RIOK1: variants seen among roughly 807,000 people sequenced by gnomAD.
RIOK1 encodes serine/threonine-protein kinase RIO1.
RIOK1 carries 66 observed loss-of-function variants against 73.5 expected under a neutral mutation model. The ratio of observed to expected loss-of-function variants is 0.90; its 90% CI spans 0.74 to 1.10. The LOEUF (loss-of-function observed/expected upper bound fraction) is 1.10, where lower values mean the gene tolerates loss of function less well. Among genes scored for constraint, RIOK1 ranks in the 50% least tolerant of loss-of-function variants. The probability of loss-of-function intolerance (pLI) is 0.00; values close to 1 mark genes in which losing one functional copy is unlikely to be tolerated. For missense variants in RIOK1, 658 were observed against 699.8 expected, an observed-to-expected ratio of 0.94 and a Z score of 0.67; for synonymous variants, 224 against 226.8, an observed-to-expected ratio of 0.99 and a Z score of 0.11.
intron 14 of RIOK1, among the ~76,000 whole-genome samples, chr6:7,412,280 G>A (rs1037558770): frequency 1.5e-4 from 23 of 151,966 alleles, no homozygotes; most frequent in African/African-American, 5.3e-4. Context: ...AGAATCACTT[G>A]AACCCGGGAG....
rs1761651404 is a variant in RIOK1, at chr6:7,402,973, A to G, written c.767+76A>G. The G allele has an allele frequency of 2.1e-5, 28 of 1,351,130 alleles. No homozygotes were observed. The South Asian group carries it at 3.7e-4, about 18-fold the overall frequency. The allele number at this position is 1,351,130 out of a possible 1,614,324, so 83.7% of individuals were successfully genotyped here. ...TCAGCCCTTCCTCCCAGCAGATCCC[A>G]GTGTGGTTCTGCCCAAATGTAGGGA... On this transcript the variant is annotated intron_variant, in intron 8 of 16. Transcript: ENST00000379834.
intron 14 of RIOK1, 60 bp downstream of exon 14, chr6:7,411,511 A>T: frequency 6.3e-7 from 1 of 1,587,422 alleles, no homozygotes; most frequent in Non-Finnish European, 8.6e-7. Flanking sequence ...GGACTGTCCC[A>T]AACCTATCTG....
chr6:7,404,821 T>C, intron 10 of RIOK1, 97 bp from the exon 11 acceptor site: 1 of 1,093,416 alleles, frequency 9.1e-7, no homozygotes, highest in Non-Finnish European at 1.3e-6. Flanking sequence ...GGTGATTTTG[T>C]GAGCTACTTC....
intron 12 of RIOK1, among the ~76,000 whole-genome samples, chr6:7,407,871 T>C (rs1761787272): frequency 1.3e-5 from 2 of 152,230 alleles, no homozygotes; most frequent in South Asian, 4.1e-4. Context: ...ATACGTGATT[T>C]GCAAATGTTT....
chr6:7,416,959 T>C (rs1405453777), intron 16 of RIOK1, among the ~76,000 whole-genome samples: 2 of 151,904 alleles, frequency 1.3e-5, no homozygotes, highest in African/African-American at 4.8e-5. Flanking sequence ...ATAATAATAC[T>C]CCAGGTGGGT....
chr6:7,409,801 A>AC (rs1761842906), intron 12 of RIOK1, among the ~76,000 whole-genome samples: 1 of 151,838 alleles, frequency 6.6e-6, no homozygotes, highest in South Asian at 2.1e-4. Flanking sequence ...AACTCAAAAA[A>AC]AAAAAAAAAA....
intron 6 of RIOK1, among the ~76,000 whole-genome samples, chr6:7,402,150 T>C (rs1470664750): frequency 6.6e-6 from 1 of 152,220 alleles, no homozygotes; most frequent in African/African-American, 2.4e-5. Flanking sequence ...TTTGTCATTA[T>C]GCGAAGAACA....
intron 5 of RIOK1, among the ~76,000 whole-genome samples, chr6:7,400,418 G>A (rs966690582): frequency 1.3e-5 from 2 of 152,132 alleles, no homozygotes; most frequent in African/African-American, 4.8e-5. Flanking sequence ...GGTAGCCACT[G>A]GGCACTTGAG....
intron 1 of RIOK1, among the ~76,000 whole-genome samples, chr6:7,391,295 A>C (rs1392004193): frequency 2.0e-5 from 3 of 152,176 alleles, no homozygotes; most frequent in African/African-American, 7.2e-5. Flanking sequence ...CTTGCACCCT[A>C]GCAGGGGAAA....
intron 1 of RIOK1, among the ~76,000 whole-genome samples, chr6:7,390,990 T>C (rs1013437361): frequency 5.3e-5 from 8 of 152,284 alleles, no homozygotes; most frequent in African/African-American, 1.7e-4. Context: ...CCTAAAGATA[T>C]GTCTTGGAGG....
At chr6:7,416,643 C>CAA (rs34401192) in intron 16 of RIOK1, among the ~76,000 whole-genome samples, 54,964 of 113,004 alleles carry the variant, frequency 0.49, 13,705 homozygotes, top group South Asian at 0.58. Context: ...GACTCCGTCT[C>CAA]AAAAAAAAAA....
Position 7,393,180 on chromosome 6 carries a change from T to G in RIOK1, c.153T>G (p.Gly51=). The G allele has an allele frequency of 1.9e-6, 3 of 1,613,356 alleles. No homozygotes were observed. ...TTCAAGACAATGTGAATGAGAATGG[T>G]GAAGGTGAAATAGAAGATGAGGAGG... ...EDLQDNVNEN[G]EGEIEDEEEE... is the part of the protein sequence containing the mutation. Residue 51 remains glycine, a synonymous_variant, in exon 2 of 17, where the codon GGT becomes GGG. Coordinates refer to ENST00000379834, the MANE Select transcript of RIOK1 (RefSeq NM_031480.3).
At chr6:7,408,189 A>C (rs2113522327) in intron 12 of RIOK1, among the ~76,000 whole-genome samples, 2 of 152,298 alleles carry the variant, frequency 1.3e-5, no homozygotes, top group South Asian at 4.1e-4. Flanking sequence ...GGCACCTGCC[A>C]TCATGCCCAG....
In RIOK1 at chr6:7,414,355, A is replaced by G. The variant is rs777812778; in HGVS notation, c.1561A>G (p.Lys521Glu). ...AGAGCAGGGAGACCATGCCCGCCCC[A>G]AGAAACACACCACGGACCCTGACAT... is the stretch of plus-strand genomic sequence containing the variant. ...SEEQGDHARP[K>E]KHTTDPDIDK... is the part of the protein sequence containing the mutation. Residue 521 changes from lysine to glutamate, a missense_variant, in exon 16 of 17, where the codon AAG (lysine) becomes GAG (glutamate). By Grantham distance (56) the Lys-to-Glu change is moderately conservative. Transcript: ENST00000379834. The G allele has an allele frequency of 1.9e-6, 3 of 1,612,448 alleles. No individual in the cohort carries two copies. In the South Asian group the frequency reaches 3.3e-5, roughly 18 times the overall value.
At chr6:7,410,144 G>A (rs1291679235) in intron 12 of RIOK1, among the ~76,000 whole-genome samples, 4 of 152,196 alleles carry the variant, frequency 2.6e-5, no homozygotes, top group Non-Finnish European at 5.9e-5. Flanking sequence ...GAAAAAGGGG[G>A]GCTAGGGATC....
chr6:7,390,505 T>A (rs147930420), intron 1 of RIOK1, among the ~76,000 whole-genome samples: 21 of 152,314 alleles, frequency 1.4e-4, no homozygotes, highest in African/African-American at 5.1e-4. Context: ...GGCACACCAT[T>A]TAAAAACCAA....
At position 7,410,377 on chromosome 6, in the gene RIOK1, C is replaced by T. The variant is rs770531333; in HGVS notation, c.1204-9C>T. On this transcript the variant is annotated splice_polypyrimidine_tract_variant and intron_variant, in intron 12 of 16. Transcript: ENST00000379834. Reference sequence around the variant, plus strand: ...TATAAAAGAAAGTCATTTTTGTTTTCTTTCCAAGGCCATGGAAATAGCATC... The same window carrying T: ...TATAAAAGAAAGTCATTTTTGTTTTTTTTCCAAGGCCATGGAAATAGCATC... 6.2e-7 allele frequency: 1 copy of T among 1,603,952 alleles called. No individual in the cohort carries two copies. The highest frequency in any genetic ancestry group is 1.7e-5 in the Admixed American group (1 of 59,412).
intron 8 of RIOK1, 40 bp downstream of exon 8, chr6:7,402,937 G>T (rs1052473913): frequency 6.4e-7 from 1 of 1,560,782 alleles, no homozygotes; most frequent in African/African-American, 1.4e-5. Flanking sequence ...CCTATGCCCT[G>T]TACATGAACA....
At chr6:7,401,719 C>T (rs2113510875) in intron 6 of RIOK1, among the ~76,000 whole-genome samples, 1 of 141,274 alleles carries the variant, frequency 7.1e-6, no homozygotes, top group East Asian at 2.1e-4. Flanking sequence ...GAGACAGTCT[C>T]CCAGGCTAGA....
Sources: allele counts gnomAD v4.1 joint callset (sites outside exome capture counted in the v4.1 genomes callset), GRCh38; gene constraint gnomAD v4.1.1; transcripts MANE v1.5; gene names NCBI Gene and HGNC (gene_info 2026-07-23, HGNC 2026-07-21).